LIMD1: variants seen among roughly 807,000 people sequenced by gnomAD.
LIMD1 encodes the protein LIM domain containing 1, also known as LIM domain-containing protein 1.
In LIMD1, 23 loss-of-function variants were observed where a neutral mutation model predicts 58.4. The ratio of observed to expected loss-of-function variants is 0.39; its 90% CI spans 0.28 to 0.56. The LOEUF (loss-of-function observed/expected upper bound fraction) is 0.56. Ranked by LOEUF, LIMD1 falls within the 20% of genes least tolerant of loss-of-function variation. The pLI, the probability that LIMD1 is intolerant of heterozygous loss-of-function variation, is 0.57. For missense variants in LIMD1, 838 were observed against 855.5 expected (o/e 0.98, Z 0.25); for synonymous variants, 334 against 345.5 (o/e 0.97, Z 0.37).
chr3:45,608,417 G>A (rs115546169), intron 1 of LIMD1, among the ~76,000 whole-genome samples: 3,929 of 152,232 alleles, frequency 0.026, 66 homozygotes, highest in Non-Finnish European at 0.043. Context: ...GTTGAACTTG[G>A]AAGCTTTCCC....
chr3:45,663,663 C>T (rs1456914054), intron 2 of LIMD1, among the ~76,000 whole-genome samples: 1 of 152,032 alleles, frequency 6.6e-6, no homozygotes, highest in Non-Finnish European at 1.5e-5. Flanking sequence ...CTCATTTCCC[C>T]ATTGGATTAT....
intron 1 of LIMD1, among the ~76,000 whole-genome samples, chr3:45,598,383 T>G (rs1415703951): frequency 6.6e-6 from 1 of 152,260 alleles, no homozygotes; most frequent in African/African-American, 2.4e-5. Flanking sequence ...AACTTTTGTT[T>G]AGTTGTAAAT....
Position 45,677,103 on chromosome 3 carries a change from G to C in LIMD1, c.*44G>C, listed in dbSNP as rs369837404. On this transcript the variant is annotated 3_prime_UTR_variant, in exon 8 of 8. Coordinates refer to ENST00000273317, the MANE Select transcript of LIMD1 (RefSeq NM_014240.3). ...ATCACGGCAGGGGATGAGGAGCCGG[G>C]GTTGCTGCTGCTGCTTCCGGTGGCC... 3.6e-5 allele frequency: 58 copies of C among 1,597,124 alleles called. No individual in the cohort carries two copies. The African/African-American group carries it at 7.6e-4, about 21-fold the overall frequency.
intron 1 of LIMD1, chr3:45,632,631 C>A: frequency 1.2e-6 from 1 of 824,922 alleles, no homozygotes; most frequent in Non-Finnish European, 1.5e-6. Context: ...TTTCCTTGAG[C>A]ACTTGCGGAG....
At chr3:45,604,108 T>C (rs1701443997) in intron 1 of LIMD1, among the ~76,000 whole-genome samples, 1 of 152,192 alleles carries the variant, frequency 6.6e-6, no homozygotes, top group Non-Finnish European at 1.5e-5. Flanking sequence ...CATTATGGCA[T>C]GTTTGGGGAT....
intron 2 of LIMD1, among the ~76,000 whole-genome samples, chr3:45,650,286 G>C (rs988734854): frequency 3.3e-5 from 5 of 151,786 alleles, no homozygotes; most frequent in African/African-American, 1.2e-4. Context: ...ATCCCATCCA[G>C]TGTATTCTCT....
At chr3:45,673,137 C>T (rs1697616194) in intron 5 of LIMD1, among the ~76,000 whole-genome samples, 1 of 152,156 alleles carries the variant, frequency 6.6e-6, no homozygotes, top group Non-Finnish European at 1.5e-5. Context: ...CCTAACTTCA[C>T]AAGGCCCCTA....
In LIMD1 at chr3:45,677,935, A is replaced by T. The variant is rs1697693105; in HGVS notation, c.*876A>T. The T allele has an allele frequency of 6.6e-6, 1 of 152,166 alleles. No homozygotes were observed. Among genetic ancestry groups the T allele is most frequent in the South Asian group, 2.1e-4 (1 of 4,824 alleles). The allele number at this position is 152,166 out of a possible 1,614,324, so 9.4% of individuals were successfully genotyped here. On this transcript the variant is annotated 3_prime_UTR_variant, in exon 8 of 8. Transcript: ENST00000273317. Reference sequence around the variant, plus strand: ...AAGTCTCAGGAACCCATGCAGGTACATCGCTTGCACCTGTTTTTAGCTTAT... The same window carrying T: ...AAGTCTCAGGAACCCATGCAGGTACTTCGCTTGCACCTGTTTTTAGCTTAT...
chr3:45,639,018 CCA>C (rs1288134762), intron 2 of LIMD1, among the ~76,000 whole-genome samples: 1 of 152,138 alleles, frequency 6.6e-6, no homozygotes, highest in African/African-American at 2.4e-5. Context: ...CGGGCATGTG[CCA>C]CCATGCCCAG....
intron 3 of LIMD1, 74 bp downstream of exon 3, chr3:45,665,791 G>A (rs1697508977): frequency 7.7e-7 from 1 of 1,301,790 alleles, no homozygotes; most frequent in South Asian, 1.2e-5. Flanking sequence ...GGGGACCTGG[G>A]CCAGCGTGTA....
At chr3:45,651,912 G>A (rs961709593) in intron 2 of LIMD1, among the ~76,000 whole-genome samples, 3 of 149,040 alleles carry the variant, frequency 2.0e-5, no homozygotes, top group East Asian at 2.0e-4. Context: ...GATTATAGGC[G>A]TGAGCCACCG....
intron 2 of LIMD1, among the ~76,000 whole-genome samples, chr3:45,653,765 C>G (rs1216913744): frequency 6.6e-6 from 1 of 151,690 alleles, no homozygotes; most frequent in Admixed American, 6.6e-5. Flanking sequence ...CAAAAATTAC[C>G]TGGGAGTGAT....
chr3:45,654,965 G>A (rs927977495), intron 2 of LIMD1, among the ~76,000 whole-genome samples: 1 of 149,280 alleles, frequency 6.7e-6, no homozygotes, highest in Non-Finnish European at 1.5e-5. Flanking sequence ...TGTCACCCAG[G>A]CTGGAGTACA....
intron 1 of LIMD1, among the ~76,000 whole-genome samples, chr3:45,626,338 C>T (rs1701667899): frequency 6.6e-6 from 1 of 152,116 alleles, no homozygotes; most frequent in African/African-American, 2.4e-5. Context: ...GGCAAGATGT[C>T]CTTCAGTAGA....
intron 1 of LIMD1, among the ~76,000 whole-genome samples, chr3:45,604,771 C>T (rs1444948036): frequency 6.6e-6 from 1 of 152,196 alleles, no homozygotes; most frequent in African/African-American, 2.4e-5. Flanking sequence ...CGCGTCCCGA[C>T]ATGGATTCCC....
At position 45,683,109 on chromosome 3, in the gene LIMD1, T is replaced by G. The variant is rs768431148; in HGVS notation, c.*6050T>G. The stretch of plus-strand genomic sequence containing the variant: ...CCTCCCTGCCTCCTTGTAAGGACAC[T>G]TGGGATTACGCCCATCCAGATAATC... On this transcript the variant is annotated 3_prime_UTR_variant, in exon 8 of 8. Coordinates refer to ENST00000273317, the MANE Select transcript of LIMD1 (RefSeq NM_014240.3). 6.6e-6 allele frequency: 1 copy of G among 152,254 alleles called. No homozygotes were observed. The highest frequency in any genetic ancestry group is 1.5e-5 in the Non-Finnish European group (1 of 68,062). 9.4% of individuals were successfully genotyped at this position (152,254 alleles called of 1,614,324 possible).
intron 2 of LIMD1, among the ~76,000 whole-genome samples, chr3:45,642,969 C>A (rs1454055954): frequency 6.6e-6 from 1 of 152,208 alleles, no homozygotes; most frequent in Non-Finnish European, 1.5e-5. Context: ...CATGCCCCCC[C>A]ACTGGCACTG....
At chr3:45,633,124 G>A (rs1010753255) in intron 1 of LIMD1, among the ~76,000 whole-genome samples, 1 of 152,202 alleles carries the variant, frequency 6.6e-6, no homozygotes, top group Non-Finnish European at 1.5e-5. Flanking sequence ...GTTTCATACT[G>A]GTGGGGGCTC....
chr3:45,660,344 AT>A (rs1697413260), intron 2 of LIMD1, among the ~76,000 whole-genome samples: 1 of 147,590 alleles, frequency 6.8e-6, no homozygotes, highest in Non-Finnish European at 1.5e-5. Flanking sequence ...GGACTTTGTG[AT>A]CAGACAGTGT....
Sources: allele counts gnomAD v4.1 joint callset (sites outside exome capture counted in the v4.1 genomes callset), GRCh38; gene constraint gnomAD v4.1.1; transcripts MANE v1.5; gene names NCBI Gene and HGNC (gene_info 2026-07-23, HGNC 2026-07-21).